The following TDP1 variants were observed in gnomAD, a reference collection of about 807,000 sequenced individuals.
The protein encoded by TDP1 is tyrosyl-DNA phosphodiesterase 1.
In TDP1, 64 loss-of-function variants were observed where a neutral mutation model predicts 81.5. That is an observed-to-expected ratio of 0.79 (90% CI 0.64 to 0.97). The LOEUF (loss-of-function observed/expected upper bound fraction) is 0.97, where lower values mean the gene tolerates loss of function less well. Among genes scored for constraint, TDP1 ranks in the 50% least tolerant of loss-of-function variants. TDP1 has a pLI of 0.00. For missense variants in TDP1, 723 were observed against 743.8 expected (o/e 0.97, Z 0.33); for synonymous variants, 256 against 264.3 (o/e 0.97, Z 0.30).
Position 89,963,496 on chromosome 14 carries a change from G to C in TDP1, c.382G>C (p.Glu128Gln), listed in dbSNP as rs775591648. Reference protein sequence around the residue: ...APNDGTAQRTENHGAPACHRL... With the variant: ...APNDGTAQRTQNHGAPACHRL... ...CAATGACGGCACTGCCCAAAGAACT[G>C]AAAATCATGGCGCTCCCGCCTGCCA... The change falls in exon 3 of 17, where the codon GAA becomes CAA. Residue 128 changes from glutamate to glutamine, a missense_variant. Transcript: ENST00000335725. 1.2e-5 allele frequency: 20 copies of C among 1,603,780 alleles called. No individual in the cohort carries two copies. Among genetic ancestry groups the C allele is most frequent in the Non-Finnish European group, 1.6e-5 (19 of 1,174,720 alleles).
intron 15 of TDP1, among the ~76,000 whole-genome samples, chr14:90,024,681 A>G (rs2140289374): frequency 6.6e-6 from 1 of 152,308 alleles, no homozygotes; most frequent in Non-Finnish European, 1.5e-5. Flanking sequence ...TAAAATACAC[A>G]TACGCTTAGG....
At chr14:89,980,264 G>A (rs957634881) in intron 7 of TDP1, 1 of 985,318 alleles carries the variant, frequency 1.0e-6, no homozygotes, top group Admixed American at 6.1e-5. Context: ...TAGATAATAA[G>A]GGGCCAGGCT....
chr14:89,986,618 G>A (rs530898166), intron 10 of TDP1, among the ~76,000 whole-genome samples: 34 of 152,336 alleles, frequency 2.2e-4, no homozygotes, highest in Admixed American at 3.9e-4. Flanking sequence ...CAGGAAGGCC[G>A]GCCGGTGATT....
upstream of TDP1, chr14:89,955,360 A>G (rs2139867132): frequency 6.6e-6 from 1 of 152,376 alleles, no homozygotes; most frequent in Non-Finnish European, 1.5e-5. Context: ...AATAAATACC[A>G]TAAACAGCAC....
intron 2 of TDP1, among the ~76,000 whole-genome samples, chr14:89,958,992 G>A (rs1220645650): frequency 2.6e-5 from 4 of 152,206 alleles, no homozygotes; most frequent in Admixed American, 1.3e-4. Flanking sequence ...CCCAAACCCT[G>A]CTATTTGTTC....
intron 14 of TDP1, among the ~76,000 whole-genome samples, chr14:90,006,909 TC>T (rs1363407606): frequency 6.6e-6 from 1 of 152,124 alleles, no homozygotes; most frequent in East Asian, 1.9e-4. Flanking sequence ...GCTGTTGAAC[TC>T]CTGAGCTCAA....
At chr14:89,992,659 A>G (rs751405546) in intron 13 of TDP1, among the ~76,000 whole-genome samples, 9 of 152,206 alleles carry the variant, frequency 5.9e-5, no homozygotes, top group Non-Finnish European at 1.2e-4. Flanking sequence ...TACAGAGGAC[A>G]TTTCTTTAAA....
At chr14:89,959,828 CATA>C (rs1440346683) in intron 2 of TDP1, among the ~76,000 whole-genome samples, 2 of 152,210 alleles carry the variant, frequency 1.3e-5, no homozygotes, top group African/African-American at 4.8e-5. Context: ...ACTCTTAGTA[CATA>C]ATAATGTACT....
chr14:90,030,227 C>T (rs963595929), intron 15 of TDP1, among the ~76,000 whole-genome samples: 1 of 152,222 alleles, frequency 6.6e-6, no homozygotes, highest in African/African-American at 2.4e-5. Flanking sequence ...TCCCCCTCCT[C>T]TGTGTCTTCC....
chr14:89,957,768 T>C lies in TDP1; in HGVS notation c.-8+968T>C, dbSNP rs911317168. On this transcript the variant is annotated intron_variant, in intron 2 of 16. Transcript: ENST00000335725. ...TCTTAGATTTTTCATGTTAGTGCAG[T>C]GTTTGCCAAATTTCACTCACACTCA... Among the ~76,000 whole-genome samples the C allele has an allele frequency of 4.6e-5, 7 of 152,338 alleles. No homozygotes were observed. In the East Asian group the frequency reaches 1.2e-3, roughly 25 times the overall value.
At chr14:89,957,075 C>T (rs1435419928) in intron 2 of TDP1, 1 of 152,270 alleles carries the variant, frequency 6.6e-6, no homozygotes, top group East Asian at 1.9e-4. Context: ...GGCTGGGTTC[C>T]CTCTACTTGG....
intron 8 of TDP1, chr14:89,983,154 A>C (rs921375721): frequency 2.2e-6 from 1 of 455,866 alleles, no homozygotes; most frequent in African/African-American, 2.0e-5. Flanking sequence ...GAGGAGCCTC[A>C]CTCAGCCTGG....
intron 13 of TDP1, 122 bp downstream of exon 13, chr14:89,992,105 C>T (rs1408748052): frequency 5.1e-6 from 4 of 788,818 alleles, no homozygotes; most frequent in Non-Finnish European, 8.1e-6. Flanking sequence ...CTTTCATCTA[C>T]ATATGTTAGT....
chr14:90,002,817 G>A (rs1897295693), intron 14 of TDP1, among the ~76,000 whole-genome samples: 2 of 152,034 alleles, frequency 1.3e-5, no homozygotes, highest in African/African-American at 2.4e-5. Flanking sequence ...AGGCTGCAGT[G>A]AGTCATGATG....
chr14:89,991,649 A>G, intron 12 of TDP1: 1 of 985,112 alleles, frequency 1.0e-6, no homozygotes, highest in Non-Finnish European at 1.2e-6. Flanking sequence ...TACTTCGTAA[A>G]GTATATGATC....
upstream of TDP1, chr14:89,955,418 G>T (rs1449536608): frequency 1.3e-5 from 2 of 152,228 alleles, no homozygotes; most frequent in African/African-American, 4.8e-5. Context: ...CAAGGAACGT[G>T]GGGCGAGTTC....
intron 14 of TDP1, among the ~76,000 whole-genome samples, chr14:90,005,495 A>G (rs1161771263): frequency 6.6e-6 from 1 of 152,240 alleles, no homozygotes; most frequent in Non-Finnish European, 1.5e-5. Flanking sequence ...AGCATTAACC[A>G]TTTCCAAACC....
At chr14:89,984,919 A>AT in intron 9 of TDP1, 1 of 984,966 alleles carries the variant, frequency 1.0e-6, no homozygotes, top group Non-Finnish European at 1.2e-6. Flanking sequence ...TACTCTCACA[A>AT]TTATTGAGTT....
rs183784512 is a variant in TDP1, at chr14:89,991,632, A to T, written c.1367-285A>T. The T allele has an allele frequency of 3.4e-4, 335 of 985,090 alleles. 1 individual carries two copies. In the African/African-American group the frequency reaches 5.4e-3, roughly 16 times the overall value. 61.0% of individuals were successfully genotyped at this position (985,090 alleles called of 1,614,324 possible). On this transcript the variant is annotated intron_variant, in intron 12 of 16. Transcript: ENST00000335725. ...CATGAGCCTTATTTAAAGGCATCCC[A>T]TGACTATACTTCGTAAAGTATATGA...
Sources: gnomAD v4.1 joint callset for allele counts (sites outside exome capture counted in the v4.1 genomes callset) on GRCh38, gnomAD v4.1.1 for gene constraint, MANE v1.5 for transcripts, NCBI Gene and HGNC (gene_info 2026-07-23, HGNC 2026-07-21) for gene names.